The following TMPRSS11D variants were observed in gnomAD, a reference collection of about 807,000 sequenced individuals.
TMPRSS11D encodes transmembrane protease serine 11D.
A neutral mutation model predicts 44.4 loss-of-function variants in TMPRSS11D; 32 were observed. The ratio of observed to expected loss-of-function variants is 0.72; its 90% CI spans 0.54 to 0.97. The LOEUF is 0.97. TMPRSS11D is among the 50% of genes least tolerant of loss of function. The pLI, the probability that TMPRSS11D is intolerant of heterozygous loss-of-function variation, is 0.00. For missense variants in TMPRSS11D, 446 were observed against 502.6 expected, an observed-to-expected ratio of 0.89 and a Z score of 1.08; for synonymous variants, 179 against 177.9, an observed-to-expected ratio of 1.01 and a Z score of -0.05.
In TMPRSS11D at chr4:67,847,254, G is replaced by T. The variant is rs139666132; in HGVS notation, c.250-4629C>A. 2.3e-3 allele frequency among the ~76,000 whole-genome samples: 357 copies of T among 152,226 alleles called. 1 individual carries two copies. The highest frequency in any genetic ancestry group is 8.0e-3 in the African/African-American group (331 of 41,540). Reference sequence around the variant, plus strand: ...CACCTTGAAGGAAAATGTTGTGTGTGTGTATGTGTCTAGTATGTATTAAAT... The same window carrying T: ...CACCTTGAAGGAAAATGTTGTGTGTTTGTATGTGTCTAGTATGTATTAAAT... On this transcript the variant is annotated intron_variant, in intron 3 of 9. Transcript: ENST00000283916.
At chr4:67,836,535 A>C (rs1219788108) in intron 5 of TMPRSS11D, among the ~76,000 whole-genome samples, 1 of 152,196 alleles carries the variant, frequency 6.6e-6, no homozygotes, top group Non-Finnish European at 1.5e-5. Flanking sequence ...AGAAAATTTT[A>C]AAAAGCTGGC....
chr4:67,881,035 A>G (rs1314165396), intron 1 of TMPRSS11D, among the ~76,000 whole-genome samples: 1 of 152,186 alleles, frequency 6.6e-6, no homozygotes, highest in Non-Finnish European at 1.5e-5. Context: ...TTTACATGTC[A>G]TGAGCATATA....
chr4:67,839,869 T>G (rs1373011308), intron 4 of TMPRSS11D, among the ~76,000 whole-genome samples: 1 of 151,914 alleles, frequency 6.6e-6, no homozygotes, highest in African/African-American at 2.4e-5. Context: ...TTAGGGTATA[T>G]GTGCACAACG....
At chr4:67,841,706 T>C (rs1318762870) in intron 4 of TMPRSS11D, among the ~76,000 whole-genome samples, 3 of 152,190 alleles carry the variant, frequency 2.0e-5, no homozygotes, top group Non-Finnish European at 2.9e-5. Flanking sequence ...TAAGTGAATG[T>C]GCACTGAATT....
intron 1 of TMPRSS11D, among the ~76,000 whole-genome samples, chr4:67,870,813 CAAA>C (rs11318143): frequency 1.9e-4 from 26 of 133,928 alleles, no homozygotes; most frequent in Admixed American, 3.0e-4. Context: ...GACCCTGTCT[CAAA>C]AAAAAAAAAA....
chr4:67,842,554 T>C lies in TMPRSS11D; in HGVS notation c.317+4A>G. The C allele has an allele frequency of 6.2e-7, 1 of 1,611,594 alleles. No homozygotes were observed. Among genetic ancestry groups the C allele is most frequent in the South Asian group, 1.1e-5 (1 of 90,436 alleles). Reference sequence around the variant, plus strand: ...TTAAATATTTTTTCTACAGTTCCACTCACCTCAGTTTGGCAACATGAGCTC... The same window carrying C: ...TTAAATATTTTTTCTACAGTTCCACCCACCTCAGTTTGGCAACATGAGCTC... On this transcript the variant is annotated splice_donor_region_variant and intron_variant, in intron 4 of 9. Coordinates refer to ENST00000283916, the MANE Select transcript of TMPRSS11D (RefSeq NM_004262.3).
chr4:67,843,627 C>T (rs759412441), intron 3 of TMPRSS11D, among the ~76,000 whole-genome samples: 1 of 152,102 alleles, frequency 6.6e-6, no homozygotes, highest in Non-Finnish European at 1.5e-5. Flanking sequence ...GTGCCTGGCT[C>T]AGTTAATAAT....
At chr4:67,839,537 C>T (rs185093361) in intron 4 of TMPRSS11D, among the ~76,000 whole-genome samples, 57 of 152,046 alleles carry the variant, frequency 3.7e-4, no homozygotes, top group Non-Finnish European at 5.0e-4. Context: ...TTAGCATTTA[C>T]ATAGAGACTG....
chr4:67,862,914 G>C (rs1301114924), intron 1 of TMPRSS11D, among the ~76,000 whole-genome samples: 3 of 151,906 alleles, frequency 2.0e-5, no homozygotes, highest in Admixed American at 2.0e-4. Context: ...TTGTGGGGTG[G>C]GGGAGAGGGG....
intron 3 of TMPRSS11D, among the ~76,000 whole-genome samples, chr4:67,853,237 AG>A (rs1439716318): frequency 6.6e-6 from 1 of 152,182 alleles, no homozygotes; most frequent in Non-Finnish European, 1.5e-5. Context: ...TAGAAGGAAA[AG>A]AGCCTGCACA....
At chr4:67,876,990 T>C (rs1176806283) in intron 1 of TMPRSS11D, among the ~76,000 whole-genome samples, 1 of 152,136 alleles carries the variant, frequency 6.6e-6, no homozygotes, top group Admixed American at 6.6e-5. Flanking sequence ...ACTCTTTTTC[T>C]TTCTGACCCC....
In TMPRSS11D at chr4:67,836,338, T is replaced by C. The variant is rs1449780797; in HGVS notation, c.476-1217A>G. On this transcript the variant is annotated intron_variant, in intron 5 of 9. Transcript: ENST00000283916. The stretch of plus-strand genomic sequence containing the variant: ...ATGTTAGCTCATATCCTTCCTTGAT[T>C]GAAATTTTTAATTGAGAAACCCATC... Among the ~76,000 whole-genome samples the C allele has an allele frequency of 3.3e-5, 5 of 152,304 alleles. No individual in the cohort carries two copies. In the East Asian group the frequency reaches 9.6e-4, roughly 29 times the overall value.
At chr4:67,870,873 T>C (rs1321841924) in intron 1 of TMPRSS11D, among the ~76,000 whole-genome samples, 1 of 152,132 alleles carries the variant, frequency 6.6e-6, no homozygotes, top group Non-Finnish European at 1.5e-5. Flanking sequence ...TGCTTTATTA[T>C]TTTGCAGTAC....
At chr4:67,860,754 T>C (rs973362792) in intron 1 of TMPRSS11D, among the ~76,000 whole-genome samples, 18 of 152,132 alleles carry the variant, frequency 1.2e-4, no homozygotes, top group Admixed American at 7.2e-4. Context: ...GTAGGCATAT[T>C]CTAATTTTCA....
chr4:67,879,255 G>A (rs1450042793), intron 1 of TMPRSS11D, among the ~76,000 whole-genome samples: 3 of 152,048 alleles, frequency 2.0e-5, no homozygotes, highest in African/African-American at 7.2e-5. Flanking sequence ...GCTGAGGCTG[G>A]CGGATCACGA....
intron 9 of TMPRSS11D, among the ~76,000 whole-genome samples, chr4:67,824,750 C>A (rs373432142): frequency 2.6e-5 from 4 of 151,982 alleles, no homozygotes; most frequent in Non-Finnish European, 5.9e-5. Flanking sequence ...CCTTTTGATG[C>A]GAAGAATAAT....
intron 3 of TMPRSS11D, among the ~76,000 whole-genome samples, chr4:67,844,338 T>A (rs1322714398): frequency 6.6e-6 from 1 of 152,216 alleles, no homozygotes; most frequent in Non-Finnish European, 1.5e-5. Flanking sequence ...ACCAACATGA[T>A]TCTTAACCAA....
intron 1 of TMPRSS11D, among the ~76,000 whole-genome samples, chr4:67,869,771 A>G (rs925349941): frequency 6.6e-6 from 1 of 152,242 alleles, no homozygotes; most frequent in African/African-American, 2.4e-5. Context: ...AGTTGGTAGA[A>G]GGACCACACC....
intron 1 of TMPRSS11D, among the ~76,000 whole-genome samples, chr4:67,879,112 T>C (rs1449635995): frequency 2.6e-5 from 4 of 152,048 alleles, no homozygotes. Context: ...CATTCCCTAA[T>C]GTCCTAGGGA....
Sources: allele counts gnomAD v4.1 joint callset (sites outside exome capture counted in the v4.1 genomes callset), GRCh38; gene constraint gnomAD v4.1.1; transcripts MANE v1.5; gene names NCBI Gene and HGNC (gene_info 2026-07-23, HGNC 2026-07-21).